POSTN: variants seen among roughly 807,000 people sequenced by gnomAD.
The protein encoded by POSTN is osteoblast specific factor 2 (fasciclin I-like).
In POSTN, 71 loss-of-function variants were observed where a neutral mutation model predicts 104.5. The observed-to-expected ratio is 0.68, with a 90% CI of 0.56 to 0.83. The LOEUF is 0.83. Ranked by LOEUF, POSTN falls within the 40% of genes least tolerant of loss-of-function variation. The probability of loss-of-function intolerance (pLI) is 0.00; values close to 1 mark genes in which losing one functional copy is unlikely to be tolerated. For missense variants in POSTN, 949 were observed against 1,006.8 expected (o/e 0.94, Z 0.78); for synonymous variants, 355 against 340.7 (o/e 1.04, Z -0.46).
At position 37,577,756 on chromosome 13, in the gene POSTN, A is replaced by C. The variant is rs1235104415; in HGVS notation, c.2005T>G (p.Tyr669Asp). 6.2e-7 allele frequency: 1 copy of C among 1,613,320 alleles called. No homozygotes were observed. Among genetic ancestry groups the C allele is most frequent in the African/African-American group, 1.3e-5 (1 of 74,922 alleles). Residue 669 changes from tyrosine (Y) to aspartate (D), a missense_variant, in exon 16 of 23, where the codon TAT becomes GAT. Coordinates refer to ENST00000379747, the MANE Select transcript of POSTN (RefSeq NM_006475.3). ...STFKEIPVTV[Y>D]TTKIITKVVE... ...CCAATATTTATTATATACTTACTATAGACAGTCACGGGGATTTCTTTGAAG... is the reference window on the plus strand; with the variant it reads ...CCAATATTTATTATATACTTACTATCGACAGTCACGGGGATTTCTTTGAAG...
intron 1 of POSTN, 70 bp from the exon 2 acceptor site, chr13:37,597,352 G>C: frequency 9.5e-6 from 9 of 947,192 alleles, no homozygotes; most frequent in Non-Finnish European, 1.4e-5. Context: ...CTAAAGATTG[G>C]TTGATAGAAG....
intron 1 of POSTN, among the ~76,000 whole-genome samples, 194 bp from the exon 2 acceptor site, chr13:37,597,476 G>A (rs1298590218): frequency 6.6e-6 from 1 of 152,154 alleles, no homozygotes; most frequent in Non-Finnish European, 1.5e-5. Flanking sequence ...ACAGGAGGTG[G>A]CAGGGAGAGA....
intron 10 of POSTN, among the ~76,000 whole-genome samples, chr13:37,581,715 T>C (rs992533740): frequency 1.3e-5 from 2 of 151,894 alleles, no homozygotes; most frequent in Non-Finnish European, 2.9e-5. Flanking sequence ...CAGAGTGAAA[T>C]TCTGTCCCTT....
Position 37,597,267 on chromosome 13 carries a change from G to C in POSTN, c.135C>G (p.Ala45=). 6.3e-7 allele frequency: 1 copy of C among 1,583,164 alleles called. No individual in the cohort carries two copies. The highest frequency in any genetic ancestry group is 8.6e-7 in the Non-Finnish European group (1 of 1,168,136). ...TTTTGGTGCCCAAAATCTGTTGAAGGGCACAGACATTTGGGCTGGAGGATA... is the reference window on the plus strand; with the variant it reads ...TTTTGGTGCCCAAAATCTGTTGAAGCGCACAGACATTTGGGCTGGAGGATA... ...RGRDQGPNVC[A]LQQILGTKKK... is the part of the protein sequence containing the mutation. Residue 45 remains alanine, a synonymous_variant, in exon 2 of 23, where the codon GCC becomes GCG. Transcript: ENST00000379747.
chr13:37,577,306 A>C (rs1950437606), intron 16 of POSTN, among the ~76,000 whole-genome samples: 1 of 152,098 alleles, frequency 6.6e-6, no homozygotes, highest in Non-Finnish European at 1.5e-5. Context: ...TTGAACTGCC[A>C]CCTTATAAAC....
At chr13:37,571,342 C>T (rs759888272) in intron 18 of POSTN, 27 bp downstream of exon 18, 23 of 1,432,408 alleles carry the variant, frequency 1.6e-5, no homozygotes, top group East Asian at 2.4e-5. Context: ...CGAAGGTAGT[C>T]GGCCCCAGGT....
In POSTN at chr13:37,563,357, T is replaced by G. The variant is rs763770152; in HGVS notation, c.2487A>C (p.Arg829=). ...TTCACTGAGAACGACCTTCCCTTAA[T>G]CGTCTTCTAGATCCTAATTAGAAAG... ...ANKKVQGSRR[R]LREGRSQ is the part of the protein sequence containing the mutation. The change falls in exon 23 of 23, where the codon CGA becomes CGC. Residue 829 remains arginine (R), a synonymous_variant. Transcript: ENST00000379747. 1 of 1,587,970 alleles carries G rather than the reference T, an allele frequency of 6.3e-7. No homozygotes were observed. Among genetic ancestry groups the G allele is most frequent in the Non-Finnish European group, 8.6e-7 (1 of 1,160,142 alleles).
At position 37,571,369 on chromosome 13, in the gene POSTN, C is replaced by T. The variant is rs755799771; in HGVS notation, c.2179G>A (p.Glu727Lys). Residue 727 changes from glutamate to lysine, a missense_variant and splice_region_variant, in exon 18 of 23, where the codon GAG becomes AAG. Glu to Lys is a moderately conservative substitution (Grantham distance 56, BLOSUM62 1). Transcript: ENST00000379747. ...GCCCCAGGTAACATAAGGAACGCAC[C>T]TCCATGGATCACTTCAGTTATTGTT... is the stretch of plus-strand genomic sequence containing the variant. Reference protein sequence around the residue: ...GETITEVIHGEPIIKKYTKII... With the variant: ...GETITEVIHGKPIIKKYTKII... The T allele has an allele frequency of 6.3e-7, 1 of 1,592,624 alleles. No homozygotes were observed. Among genetic ancestry groups the T allele is most frequent in the South Asian group, 1.1e-5 (1 of 89,794 alleles).
chr13:37,571,557 A>C, intron 17 of POSTN, 99 bp from the exon 18 acceptor site: 1 of 862,098 alleles, frequency 1.2e-6, no homozygotes, highest in Non-Finnish European at 1.8e-6. Flanking sequence ...GACTCAACTC[A>C]AATGTCAAAG....
intron 3 of POSTN, 60 bp from the exon 4 acceptor site, chr13:37,590,589 A>G: frequency 7.2e-7 from 1 of 1,382,068 alleles, no homozygotes; most frequent in East Asian, 2.5e-5. Flanking sequence ...ATTATTCATA[A>G]TCATTTAAAC....
intron 2 of POSTN, among the ~76,000 whole-genome samples, chr13:37,596,208 G>T (rs1008410373): frequency 2.0e-5 from 3 of 152,162 alleles, no homozygotes; most frequent in African/African-American, 7.2e-5. Flanking sequence ...GTATTAAGCA[G>T]GTTCTTCCTG....
Position 37,563,373 on chromosome 13 carries a change from A to G in POSTN, c.2474-3T>C. The G allele has an allele frequency of 6.4e-7, 1 of 1,573,170 alleles. No homozygotes were observed. On this transcript the variant is annotated splice_region_variant and splice_polypyrimidine_tract_variant and intron_variant, in intron 22 of 22. Transcript: ENST00000379747. ...TTCCCTTAATCGTCTTCTAGATCCT[A>G]ATTAGAAAGAAAGGAGAATGTATAG...
chr13:37,586,026 A>C lies in POSTN; in HGVS notation c.895+113T>G, dbSNP rs985440320. The C allele has an allele frequency of 3.0e-5, 31 of 1,042,116 alleles. 1 individual carries two copies. Among genetic ancestry groups the C allele is most frequent in the Middle Eastern group, 3.3e-4 (1 of 3,068 alleles). The allele number at this position is 1,042,116 out of a possible 1,614,324, so 64.6% of individuals were successfully genotyped here. A position where few individuals can be genotyped will look rare whatever the true frequency, so the allele number is the denominator to read the frequency against. ...AGACATAGTACATCTCAGAATAAAA[A>C]TTTTTCCCTGCCTTTGCTTATTAAA... is the stretch of plus-strand genomic sequence containing the variant. On this transcript the variant is annotated intron_variant, in intron 7 of 22. Coordinates refer to ENST00000379747, the MANE Select transcript of POSTN (RefSeq NM_006475.3).
chr13:37,579,230 T>C lies in POSTN; in HGVS notation c.1790A>G (p.Glu597Gly). The C allele has an allele frequency of 6.2e-7, 1 of 1,610,948 alleles. No homozygotes were observed. The highest frequency in any genetic ancestry group is 8.5e-7 in the Non-Finnish European group (1 of 1,177,376). Residue 597 changes from glutamate (E) to glycine (G), a missense_variant and splice_region_variant, in exon 13 of 23, where the codon GAA (glutamate) becomes GGA (glycine). By Grantham distance (98) the Glu-to-Gly change is moderately conservative (BLOSUM62 -2). Transcript: ENST00000379747. ...TTQGSKIFLK[E>G]VNDTLLVNEL... ...ATAAATTCATTCTAGACAACTTACT[T>C]CTTTCAGAAAGATTTTGCTTCCTTG...
Position 37,587,944 on chromosome 13 carries a change from G to A in POSTN, c.484C>T (p.Leu162=). The A allele has an allele frequency of 1.2e-6, 2 of 1,604,258 alleles. No homozygotes were observed. The highest frequency in any genetic ancestry group is 1.7e-6 in the Non-Finnish European group (2 of 1,172,350). ...ATCATGTGACTATGTAAAGCATTCA[G>A]TAATTCAACATTCACGTTGCTCTCC... ...GLESNVNVEL[L]NALHSHMINK... The change falls in exon 5 of 23, where the codon CTG becomes TTG. Residue 162 remains leucine (L), a synonymous_variant. Transcript: ENST00000379747.
At chr13:37,598,152 A>G (rs993407650) in intron 1 of POSTN, among the ~76,000 whole-genome samples, 3 of 152,184 alleles carry the variant, frequency 2.0e-5, no homozygotes, top group African/African-American at 7.2e-5. Flanking sequence ...AGAACTAGTT[A>G]CATTACCCAG....
intron 18 of POSTN, chr13:37,571,022 G>A (rs1950247498): frequency 3.4e-6 from 1 of 292,058 alleles, no homozygotes; most frequent in South Asian, 6.4e-5. Context: ...ATTAGACAGA[G>A]ACTTATACAA....
chr13:37,571,951 C>A (rs563073237), intron 17 of POSTN, among the ~76,000 whole-genome samples: 1 of 151,420 alleles, frequency 6.6e-6, no homozygotes, highest in African/African-American at 2.4e-5. Context: ...TAAGAAAGTA[C>A]CAAATGTATA....
Position 37,584,082 on chromosome 13 carries a change from G to C in POSTN, c.1130C>G (p.Ala377Gly). 6.2e-7 allele frequency: 1 copy of C among 1,613,834 alleles called. No individual in the cohort carries two copies. Among genetic ancestry groups the C allele is most frequent in the South Asian group, 1.1e-5 (1 of 91,032 alleles). Residue 377 changes from alanine to glycine, a missense_variant, in exon 9 of 23, where the codon GCT (alanine) becomes GGT (glycine). Physicochemically the swap from Ala to Gly is moderately conservative, Grantham distance 60. Coordinates refer to ENST00000379747, the MANE Select transcript of POSTN (RefSeq NM_006475.3). ...CGTGAAGGTGGTTTGCTGTTTTCCA[G>C]CCAGCTCAATAACTTGTTTGGCTGA... ...PDSAKQVIEL[A>G]GKQQTTFTDL... is the part of the protein sequence containing the mutation.
Sources: allele counts gnomAD v4.1 joint callset (sites outside exome capture counted in the v4.1 genomes callset), GRCh38; gene constraint gnomAD v4.1.1; transcripts MANE v1.5; gene names NCBI Gene and HGNC (gene_info 2026-07-23, HGNC 2026-07-21).